NTM: variants seen among roughly 807,000 people sequenced by gnomAD.
The protein encoded by NTM is IgLON family member 2.
A neutral mutation model predicts 42.1 loss-of-function variants in NTM; 13 were observed. The observed-to-expected ratio is 0.31, with a 90% CI of 0.20 to 0.49. The LOEUF is 0.49. Among genes scored for constraint, NTM ranks in the 20% least tolerant of loss-of-function variants. NTM has a pLI of 0.99. For missense variants in NTM, 373 were observed against 452.8 expected, an observed-to-expected ratio of 0.82 and a Z score of 1.60; for synonymous variants, 187 against 179.2, an observed-to-expected ratio of 1.04 and a Z score of -0.35.
chr11:132,006,673 A>G (rs886723551), intron 2 of NTM, among the ~76,000 whole-genome samples: 2 of 152,228 alleles, frequency 1.3e-5, no homozygotes, highest in African/African-American at 4.8e-5. Context: ...GGTGAGGCTT[A>G]TGAGGCTGGT....
chr11:131,692,162 C>T (rs1337802316), intron 1 of NTM, among the ~76,000 whole-genome samples: 1 of 152,264 alleles, frequency 6.6e-6, no homozygotes, highest in African/African-American at 2.4e-5. Flanking sequence ...GGGCTTGAAA[C>T]CTTCCCTCCA....
intron 2 of NTM, among the ~76,000 whole-genome samples, chr11:132,053,061 A>G (rs2079087268): frequency 6.6e-6 from 1 of 152,182 alleles, no homozygotes; most frequent in African/African-American, 2.4e-5. Flanking sequence ...GCATTTCATC[A>G]ACCTCACTAG....
intron 1 of NTM, among the ~76,000 whole-genome samples, chr11:131,435,511 T>C (rs1949049213): frequency 6.6e-6 from 1 of 152,208 alleles, no homozygotes; most frequent in Non-Finnish European, 1.5e-5. Context: ...CTCACATCCC[T>C]TGTAAGTTGG....
chr11:132,314,168 A>T (rs980761278), intron 6 of NTM, among the ~76,000 whole-genome samples: 2 of 148,060 alleles, frequency 1.4e-5, no homozygotes, highest in Non-Finnish European at 3.0e-5. Context: ...GGTTGTCATC[A>T]TCACCATCAC....
At chr11:131,797,200 G>GT (rs1425889161) in intron 1 of NTM, among the ~76,000 whole-genome samples, 2 of 152,126 alleles carry the variant, frequency 1.3e-5, no homozygotes, top group African/African-American at 2.4e-5. Context: ...GTTTTTCGTT[G>GT]TTTTTTCCTT....
intron 4 of NTM, among the ~76,000 whole-genome samples, chr11:132,303,599 C>T (rs972418693): frequency 1.3e-5 from 2 of 151,904 alleles, no homozygotes; most frequent in African/African-American, 2.4e-5. Flanking sequence ...TCTCAACATA[C>T]CTTTTTTGGG....
At chr11:131,807,072 C>G (rs949952856) in intron 1 of NTM, among the ~76,000 whole-genome samples, 4 of 152,130 alleles carry the variant, frequency 2.6e-5, no homozygotes, top group African/African-American at 9.7e-5. Context: ...ACAGGGCAGT[C>G]AAGCTAAGAA....
At chr11:131,671,118 G>A (rs545338012) in intron 1 of NTM, among the ~76,000 whole-genome samples, 20 of 152,050 alleles carry the variant, frequency 1.3e-4, no homozygotes, top group Middle Eastern at 3.2e-3. Flanking sequence ...AAGCAAAAGC[G>A]CCAGGAATTC....
chr11:132,334,968 G>T (rs1592111085), intron 8 of NTM, 78 bp from the exon 9 acceptor site: 3 of 1,565,970 alleles, frequency 1.9e-6, no homozygotes, highest in East Asian at 4.5e-5. Flanking sequence ...AAGGCCAAAT[G>T]ACAGCAGACC....
chr11:131,733,939 C>G (rs1205558552), intron 1 of NTM, among the ~76,000 whole-genome samples: 1 of 152,110 alleles, frequency 6.6e-6, no homozygotes, highest in Non-Finnish European at 1.5e-5. Context: ...TTCAGATTAC[C>G]TGATATTATG....
intron 1 of NTM, among the ~76,000 whole-genome samples, chr11:131,542,241 GC>G (rs1237726251): frequency 6.6e-6 from 1 of 152,222 alleles, no homozygotes; most frequent in Admixed American, 6.5e-5. Flanking sequence ...CTCAGAGTTA[GC>G]TTTTGAGATG....
At chr11:132,238,419 C>T (rs949732358) in intron 4 of NTM, among the ~76,000 whole-genome samples, 4 of 152,108 alleles carry the variant, frequency 2.6e-5, no homozygotes, top group Non-Finnish European at 5.9e-5. Flanking sequence ...ACATGCCTCC[C>T]CTCTCTAAGC....
At chr11:132,145,070 AT>A (rs1215869718) in intron 2 of NTM, among the ~76,000 whole-genome samples, 4 of 152,234 alleles carry the variant, frequency 2.6e-5, no homozygotes, top group Non-Finnish European at 5.9e-5. Context: ...AATAGAAGCC[AT>A]CACCCATCCT....
At chr11:131,397,077 C>G (rs1944644187) in intron 1 of NTM, among the ~76,000 whole-genome samples, 1 of 152,164 alleles carries the variant, frequency 6.6e-6, no homozygotes, top group Non-Finnish European at 1.5e-5. Flanking sequence ...ACCATCTGAG[C>G]TCTTAATTTT....
chr11:131,434,230 T>C (rs1339153747), intron 1 of NTM, among the ~76,000 whole-genome samples: 3 of 152,234 alleles, frequency 2.0e-5, no homozygotes, highest in African/African-American at 2.4e-5. Context: ...CTATCATGAA[T>C]AGTGCCGCAG....
intron 2 of NTM, 59 bp downstream of exon 2, chr11:131,911,707 A>T (rs1436236108): frequency 5.4e-5 from 86 of 1,592,824 alleles, no homozygotes; most frequent in Middle Eastern, 1.7e-4. Flanking sequence ...GGTAAGGGGC[A>T]GGGGTGCAGG....
intron 1 of NTM, among the ~76,000 whole-genome samples, chr11:131,490,674 CT>C (rs995185671): frequency 1.3e-5 from 2 of 152,176 alleles, no homozygotes; most frequent in Non-Finnish European, 2.9e-5. Context: ...GGAAGAGGCA[CT>C]AAGAAGATAG....
chr11:132,108,624 A>G (rs1426751734), intron 2 of NTM, among the ~76,000 whole-genome samples: 2 of 152,188 alleles, frequency 1.3e-5, no homozygotes, highest in African/African-American at 4.8e-5. Context: ...AGAAATCACC[A>G]CTAAAGAACG....
chr11:132,167,505 C>A (rs987337984), intron 3 of NTM, among the ~76,000 whole-genome samples: 1 of 152,160 alleles, frequency 6.6e-6, no homozygotes, highest in Non-Finnish European at 1.5e-5. Flanking sequence ...TGTTTTTTAG[C>A]AAACAAATGG....
Sources: allele counts gnomAD v4.1 joint callset (sites outside exome capture counted in the v4.1 genomes callset), GRCh38; gene constraint gnomAD v4.1.1; transcripts MANE v1.5; gene names NCBI Gene and HGNC (gene_info 2026-07-23, HGNC 2026-07-21).